SLC4A10: variants seen among roughly 807,000 people sequenced by gnomAD.
SLC4A10 encodes solute carrier family 4 member 10.
In SLC4A10, 42 loss-of-function variants were observed where a neutral mutation model predicts 137.7. The observed-to-expected ratio is 0.30, with a 90% confidence interval of 0.24 to 0.39. The LOEUF (loss-of-function observed/expected upper bound fraction) is 0.39. Ranked by LOEUF, SLC4A10 falls within the 10% of genes least tolerant of loss-of-function variation. SLC4A10 has a pLI of 1.00. For synonymous variants in SLC4A10, 474 were observed against 464.1 expected, an observed-to-expected ratio of 1.02 and a Z score of -0.27; for missense variants, 925 against 1,355.0, an observed-to-expected ratio of 0.68 and a Z score of 4.98.
At chr2:161,854,674 T>G (rs62187754) in intron 4 of SLC4A10, among the ~76,000 whole-genome samples, 9,252 of 152,286 alleles carry the variant, frequency 0.061, 374 homozygotes, top group East Asian at 0.13. Flanking sequence ...CATAAGATTT[T>G]CTCTGACCAC....
intron 1 of SLC4A10, among the ~76,000 whole-genome samples, chr2:161,758,674 A>G (rs2049930089): frequency 6.6e-6 from 1 of 151,994 alleles, no homozygotes; most frequent in Non-Finnish European, 1.5e-5. Flanking sequence ...ATTGTAGATT[A>G]TTACAAACTT....
chr2:161,757,078 T>C (rs540568292), intron 1 of SLC4A10, among the ~76,000 whole-genome samples: 1 of 152,060 alleles, frequency 6.6e-6, no homozygotes, highest in Non-Finnish European at 1.5e-5. Context: ...TTGAGTAAGA[T>C]GGACATAAAT....
At chr2:161,640,636 C>A (rs995049553) in intron 1 of SLC4A10, among the ~76,000 whole-genome samples, 10 of 145,292 alleles carry the variant, frequency 6.9e-5, no homozygotes, top group Non-Finnish European at 1.2e-4. Flanking sequence ...TTCCTTCCTT[C>A]CTTCCTTCCT....
intron 2 of SLC4A10, among the ~76,000 whole-genome samples, chr2:161,786,855 T>C (rs1407110243): frequency 6.6e-6 from 1 of 151,272 alleles, no homozygotes; most frequent in Non-Finnish European, 1.5e-5. Flanking sequence ...AAGAGTATAC[T>C]CATTTCTGTT....
chr2:161,642,979 C>T (rs1387833588), intron 1 of SLC4A10, among the ~76,000 whole-genome samples: 1 of 151,980 alleles, frequency 6.6e-6, no homozygotes, highest in Non-Finnish European at 1.5e-5. Context: ...CTATTGAAAT[C>T]TTCTAATGGA....
At chr2:161,794,578 T>C (rs2054553800) in intron 2 of SLC4A10, among the ~76,000 whole-genome samples, 1 of 152,256 alleles carries the variant, frequency 6.6e-6, no homozygotes. Flanking sequence ...TGAAAAAGTC[T>C]AATATACTAG....
At chr2:161,762,697 T>C (rs1361366279) in intron 1 of SLC4A10, among the ~76,000 whole-genome samples, 1 of 152,122 alleles carries the variant, frequency 6.6e-6, no homozygotes, top group Non-Finnish European at 1.5e-5. Context: ...TGAAACATTA[T>C]TAAATCTGAT....
At chr2:161,868,111 A>C (rs2060873619) in intron 6 of SLC4A10, among the ~76,000 whole-genome samples, 1 of 151,970 alleles carries the variant, frequency 6.6e-6, no homozygotes, top group South Asian at 2.1e-4. Context: ...TATAAATTTA[A>C]AAGTTGCTAA....
intron 1 of SLC4A10, among the ~76,000 whole-genome samples, chr2:161,729,799 C>T (rs2046642409): frequency 6.6e-6 from 1 of 152,170 alleles, no homozygotes; most frequent in African/African-American, 2.4e-5. Context: ...TAGTAGGAAG[C>T]TGTTGTTGCC....
intron 2 of SLC4A10, among the ~76,000 whole-genome samples, chr2:161,784,606 A>G (rs2053414067): frequency 6.6e-6 from 1 of 151,948 alleles, no homozygotes; most frequent in Non-Finnish European, 1.5e-5. Context: ...AAAACTGAAA[A>G]TATTATAAAT....
chr2:161,824,926 C>G (rs1436104871), intron 3 of SLC4A10, among the ~76,000 whole-genome samples: 1 of 152,146 alleles, frequency 6.6e-6, no homozygotes, highest in African/African-American at 2.4e-5. Flanking sequence ...ATAGCAAGAC[C>G]AACCCCTCCT....
intron 20 of SLC4A10, among the ~76,000 whole-genome samples, chr2:161,957,692 T>G (rs996734189): frequency 6.6e-5 from 10 of 152,210 alleles, no homozygotes; most frequent in Admixed American, 1.3e-4. Flanking sequence ...CAGTTTTCCA[T>G]TTTAAGTGCT....
In SLC4A10 at chr2:161,905,985, C is replaced by A. The variant is rs1036835476; in HGVS notation, c.1997+98C>A. 3 of 1,425,412 alleles carry A rather than the reference C, an allele frequency of 2.1e-6. No individual in the cohort carries two copies. The African/African-American group carries it at 4.3e-5, about 20-fold the overall frequency. 88.3% of individuals were successfully genotyped at this position (1,425,412 alleles called of 1,614,324 possible). Reference sequence around the variant, plus strand: ...AGGAAATTACTCAGCAGAGAATGTGCCTTAAGTTGATTCATGACCTAAATC... The same window carrying A: ...AGGAAATTACTCAGCAGAGAATGTGACTTAAGTTGATTCATGACCTAAATC... On this transcript the variant is annotated intron_variant, in intron 15 of 26. Transcript: ENST00000446997.
At chr2:161,670,873 T>C (rs1405181281) in intron 1 of SLC4A10, among the ~76,000 whole-genome samples, 1 of 152,096 alleles carries the variant, frequency 6.6e-6, no homozygotes, top group African/African-American at 2.4e-5. Flanking sequence ...CAGACCACAC[T>C]AAGTATAAGA....
In SLC4A10 at chr2:161,698,367, G is replaced by A. The variant is rs192636830; in HGVS notation, c.49-72606G>A. Among the ~76,000 whole-genome samples the A allele has an allele frequency of 6.8e-3, 1,030 of 152,296 alleles. 34 individuals carry two copies. Among genetic ancestry groups the A allele is most frequent in the Admixed American group, 0.06 (913 of 15,288 alleles). On this transcript the variant is annotated intron_variant, in intron 1 of 26. Coordinates refer to ENST00000446997, the MANE Select transcript of SLC4A10 (RefSeq NM_001178015.2). ...TGTTGAATAGGAGTGGTGAGAGAGG[G>A]CATCCCTGTCTTGTGCCAGTTTTCA...
intron 26 of SLC4A10, among the ~76,000 whole-genome samples, chr2:161,979,646 A>C (rs957642693): frequency 3.3e-5 from 5 of 152,214 alleles, no homozygotes; most frequent in African/African-American, 1.2e-4. Context: ...TCCCAAAGCC[A>C]CTTCCTTTTT....
intron 1 of SLC4A10, among the ~76,000 whole-genome samples, chr2:161,666,901 A>G (rs1277547435): frequency 1.3e-5 from 2 of 151,740 alleles, no homozygotes; most frequent in Non-Finnish European, 3.0e-5. Context: ...GTTATATTCT[A>G]TTAATAGGCT....
intron 18 of SLC4A10, 61 bp downstream of exon 18, chr2:161,949,322 C>A: frequency 9.2e-7 from 1 of 1,081,100 alleles, no homozygotes; most frequent in East Asian, 2.4e-5. Flanking sequence ...TTAGATGATA[C>A]CTATAACTCT....
At chr2:161,802,364 G>T (rs1000050170) in intron 2 of SLC4A10, among the ~76,000 whole-genome samples, 1 of 151,864 alleles carries the variant, frequency 6.6e-6, no homozygotes, top group African/African-American at 2.4e-5. Flanking sequence ...TTAACCCCGT[G>T]TATAAAAAAT....
Sources: allele counts gnomAD v4.1 joint callset (sites outside exome capture counted in the v4.1 genomes callset), GRCh38; gene constraint gnomAD v4.1.1; transcripts MANE v1.5; gene names NCBI Gene and HGNC (gene_info 2026-07-23, HGNC 2026-07-21).